Variants in GABRG3 observed in about 807,000 individuals in gnomAD.
GABRG3 encodes the protein gamma-aminobutyric acid receptor subunit gamma-3.
GABRG3 carries 25 observed loss-of-function variants against 48.8 expected under a neutral mutation model. The ratio of observed to expected loss-of-function variants is 0.51; its 90% confidence interval spans 0.37 to 0.72. The LOEUF (loss-of-function observed/expected upper bound fraction) is 0.72. Ranked by LOEUF, GABRG3 falls within the 30% of genes least tolerant of loss-of-function variation. GABRG3 has a pLI of 0.00. For synonymous variants in GABRG3, 227 were observed against 217.6 expected (o/e 1.04, Z -0.38); for missense variants, 394 against 577.9 (o/e 0.68, Z 3.26).
intron 3 of GABRG3, among the ~76,000 whole-genome samples, chr15:27,061,337 T>C (rs1253825694): frequency 6.6e-6 from 1 of 152,086 alleles, no homozygotes; most frequent in Non-Finnish European, 1.5e-5. Flanking sequence ...CACTGCCTGC[T>C]CTCACACTGT....
chr15:27,450,647 A>C (rs557328215), intron 5 of GABRG3, among the ~76,000 whole-genome samples: 1 of 152,264 alleles, frequency 6.6e-6, no homozygotes, highest in Non-Finnish European at 1.5e-5. Flanking sequence ...AAGATCAGGA[A>C]CAAGACAAGG....
intron 5 of GABRG3, among the ~76,000 whole-genome samples, chr15:27,385,582 G>A (rs1895898021): frequency 6.6e-6 from 1 of 152,016 alleles, no homozygotes. Flanking sequence ...CTTTCTGCTG[G>A]TTTTGAGAGT....
chr15:27,277,849 A>G (rs1891305852), intron 3 of GABRG3, among the ~76,000 whole-genome samples: 2 of 152,196 alleles, frequency 1.3e-5, no homozygotes, highest in Non-Finnish European at 2.9e-5. Flanking sequence ...TTTTTATATT[A>G]TTATAGTTTA....
At chr15:27,308,520 A>T (rs142458040) in intron 3 of GABRG3, among the ~76,000 whole-genome samples, 1,655 of 147,974 alleles carry the variant, frequency 0.011, 38 homozygotes, top group African/African-American at 0.038. Context: ...TAATGTAAAC[A>T]TACATGTTTA....
intron 3 of GABRG3, among the ~76,000 whole-genome samples, chr15:27,293,739 T>G (rs8025587): frequency 0.06 from 9,107 of 151,676 alleles, 886 homozygotes; most frequent in African/African-American, 0.21. Flanking sequence ...ACTTTAGGGA[T>G]TATGCATATT....
chr15:27,239,391 T>C (rs915360419), intron 3 of GABRG3, among the ~76,000 whole-genome samples: 1 of 152,240 alleles, frequency 6.6e-6, no homozygotes, highest in Admixed American at 6.5e-5. Flanking sequence ...ATTTTGATTC[T>C]GACAATCACA....
intron 5 of GABRG3, among the ~76,000 whole-genome samples, chr15:27,448,579 CTA>C (rs1255845828): frequency 1.1e-4 from 16 of 152,288 alleles, no homozygotes; most frequent in African/African-American, 3.8e-4. Context: ...TGGATACACA[CTA>C]TGTAATCCCT....
chr15:27,512,974 A>C (rs776545651), intron 6 of GABRG3, among the ~76,000 whole-genome samples: 2 of 152,214 alleles, frequency 1.3e-5, no homozygotes, highest in African/African-American at 2.4e-5. Context: ...GTATATTAAG[A>C]ACATTCCAAA....
At chr15:27,429,993 G>A (rs1017738391) in intron 5 of GABRG3, among the ~76,000 whole-genome samples, 1 of 152,172 alleles carries the variant, frequency 6.6e-6, no homozygotes, top group Non-Finnish European at 1.5e-5. Context: ...ATTACCAGTG[G>A]CTTCACCATT....
At chr15:27,421,740 C>T (rs535593133) in intron 5 of GABRG3, among the ~76,000 whole-genome samples, 70 of 152,118 alleles carry the variant, frequency 4.6e-4, no homozygotes, top group Non-Finnish European at 9.0e-4. Context: ...GCTATAAATC[C>T]ACCAATACTG....
intron 5 of GABRG3, among the ~76,000 whole-genome samples, chr15:27,382,574 G>A (rs1052372421): frequency 3.3e-5 from 5 of 152,202 alleles, no homozygotes; most frequent in African/African-American, 1.2e-4. Flanking sequence ...CTTGATTCAT[G>A]CTTTGAAAGG....
At chr15:27,435,058 A>T (rs2140626697) in intron 5 of GABRG3, among the ~76,000 whole-genome samples, 1 of 150,800 alleles carries the variant, frequency 6.6e-6, no homozygotes, top group South Asian at 2.1e-4. Flanking sequence ...TTTCTGGACC[A>T]CTCTTCCCTT....
intron 5 of GABRG3, among the ~76,000 whole-genome samples, chr15:27,468,459 G>A (rs1889684935): frequency 6.6e-6 from 1 of 152,172 alleles, no homozygotes; most frequent in African/African-American, 2.4e-5. Context: ...TGAGGTCCTA[G>A]GGGAAACCTA....
At chr15:27,000,887 GC>G (rs1244132843) in intron 2 of GABRG3, among the ~76,000 whole-genome samples, 4 of 152,144 alleles carry the variant, frequency 2.6e-5, no homozygotes, top group African/African-American at 9.7e-5. Context: ...TAATATAAAA[GC>G]CCTGTGAATT....
rs149316271 is a variant in GABRG3, at chr15:26,976,566, C to T, written c.54-436C>T. On this transcript the variant is annotated intron_variant, in intron 1 of 9. Coordinates refer to ENST00000615808, the MANE Select transcript of GABRG3 (RefSeq NM_033223.5). This position sits in a 1 kb window ranked among gnomAD's most constrained non-coding sequence, Gnocchi z 7.8. The stretch of plus-strand genomic sequence containing the variant: ...GTCCACTCTGCAAAAGCTAATCTCA[C>T]CTTCAACGAAAATGAGGTCTTGGTG... Among the ~76,000 whole-genome samples the T allele has an allele frequency of 5.9e-5, 9 of 152,192 alleles. No individual in the cohort carries two copies. Among genetic ancestry groups the T allele is most frequent in the African/African-American group, 1.7e-4 (7 of 41,510 alleles).
intron 3 of GABRG3, among the ~76,000 whole-genome samples, chr15:27,185,791 G>T (rs573660170): frequency 6.6e-6 from 1 of 151,818 alleles, no homozygotes; most frequent in East Asian, 1.9e-4. Context: ...ATGTCCATTT[G>T]TGTCACTAGT....
At chr15:27,201,153 C>T (rs548729569) in intron 3 of GABRG3, among the ~76,000 whole-genome samples, 1 of 152,134 alleles carries the variant, frequency 6.6e-6, no homozygotes, top group South Asian at 2.1e-4. Flanking sequence ...ATAAACCATT[C>T]TCTGTTGAGC....
At chr15:27,318,581 G>A (rs1290581927) in intron 3 of GABRG3, among the ~76,000 whole-genome samples, 1 of 152,194 alleles carries the variant, frequency 6.6e-6, no homozygotes, top group African/African-American at 2.4e-5. Context: ...ATTGTGCCCA[G>A]GGAACATTGC....
chr15:27,319,437 C>G lies in GABRG3; in HGVS notation c.271-7372C>G, dbSNP rs2140513415. Among the ~76,000 whole-genome samples, 1 of 152,322 alleles carries G rather than the reference C, an allele frequency of 6.6e-6. No individual in the cohort carries two copies. The highest frequency in any genetic ancestry group is 2.1e-4 in the South Asian group (1 of 4,828). The stretch of plus-strand genomic sequence containing the variant: ...TGCAAGTTATTACCAACACAGGTCA[C>G]TGCTGACCAGCACTGTGGTGGGGCA... On this transcript the variant is annotated intron_variant, in intron 3 of 9. Coordinates refer to ENST00000615808, the MANE Select transcript of GABRG3 (RefSeq NM_033223.5). This position sits in a 1 kb window ranked among gnomAD's most constrained non-coding sequence, Gnocchi z 4.4.
Sources: allele counts gnomAD v4.1 joint callset (sites outside exome capture counted in the v4.1 genomes callset), GRCh38; gene constraint gnomAD v4.1.1; non-coding constraint Gnocchi (gnomAD v3.1); transcripts MANE v1.5; gene names NCBI Gene and HGNC (gene_info 2026-07-23, HGNC 2026-07-21).